TTC17: variants seen among roughly 807,000 people sequenced by gnomAD.
TTC17 encodes tetratricopeptide repeat protein 17.
In TTC17, 58 loss-of-function variants were observed where a neutral mutation model predicts 143.8. The ratio of observed to expected loss-of-function variants is 0.40; its 90% confidence interval spans 0.33 to 0.50. The LOEUF is 0.50. Ranked by LOEUF, TTC17 falls within the 20% of genes least tolerant of loss-of-function variation. The pLI, the probability that TTC17 is intolerant of heterozygous loss-of-function variation, is 0.49. For synonymous variants in TTC17, 501 were observed against 497.8 expected (o/e 1.01, Z -0.09); for missense variants, 1,273 against 1,392.5 (o/e 0.91, Z 1.37).
chr11:43,394,120 T>G (rs184134667), intron 5 of TTC17, among the ~76,000 whole-genome samples: 1 of 152,188 alleles, frequency 6.6e-6, no homozygotes, highest in Admixed American at 6.5e-5. Context: ...CTTGAACATA[T>G]GAACTTTGAG....
intron 20 of TTC17, 101 bp downstream of exon 20, chr11:43,450,342 A>T (rs1947633666): frequency 6.6e-6 from 9 of 1,355,388 alleles, no homozygotes; most frequent in Non-Finnish European, 8.7e-6. Flanking sequence ...TTAAAAAAAA[A>T]TAGGGGCTTT....
In TTC17 at chr11:43,414,628, T is replaced by C. The variant is rs769432852; in HGVS notation, c.2103T>C (p.Ala701=). ...TFLSLGNAYL[A]LKNISGALEA... ...TGAGCCTGGGAAATGCTTACCTTGC[T>C]CTGAAGAATATCAGTGGGGCACTTG... Residue 701 remains alanine, a synonymous_variant, in exon 16 of 24, where the codon GCT becomes GCC. Coordinates refer to ENST00000039989, the MANE Select transcript of TTC17 (RefSeq NM_018259.6). 6.2e-7 allele frequency: 1 copy of C among 1,613,314 alleles called. No individual in the cohort carries two copies. The highest frequency in any genetic ancestry group is 8.5e-7 in the Non-Finnish European group (1 of 1,179,606).
At chr11:43,486,958 A>C (rs1948392340) in intron 21 of TTC17, among the ~76,000 whole-genome samples, 1 of 152,104 alleles carries the variant, frequency 6.6e-6, no homozygotes, top group Admixed American at 6.5e-5. Flanking sequence ...CTGAGACAGG[A>C]GGATCACTTG....
rs201254262 is a variant in TTC17, at chr11:43,391,596, A to ATTT, written c.531+31_531+33dup. The ATTT allele has an allele frequency of 6.4e-6, 8 of 1,241,670 alleles. No individual in the cohort carries two copies. Among genetic ancestry groups the ATTT allele is most frequent in the East Asian group, 2.7e-5 (1 of 37,700 alleles). 76.9% of individuals were successfully genotyped at this position (1,241,670 alleles called of 1,614,324 possible). A position where few individuals can be genotyped will look rare whatever the true frequency, so the allele number is the denominator to read the frequency against. The stretch of plus-strand genomic sequence containing the variant: ...TTGAGAGTAAGTAGAGAACTTTAGG[A>ATTT]TTTTTTTTTTTTTGCGTTGCGTTCT... On this transcript the variant is annotated intron_variant, in intron 4 of 23. Coordinates refer to ENST00000039989, the MANE Select transcript of TTC17 (RefSeq NM_018259.6).
chr11:43,377,691 T>C (rs1213406197), intron 1 of TTC17, among the ~76,000 whole-genome samples: 2 of 152,198 alleles, frequency 1.3e-5, no homozygotes, highest in African/African-American at 2.4e-5. Context: ...TTCAAGGAAA[T>C]GATAAGTACT....
At chr11:43,422,613 A>G (rs1247493145) in intron 16 of TTC17, among the ~76,000 whole-genome samples, 1 of 152,208 alleles carries the variant, frequency 6.6e-6, no homozygotes, top group Non-Finnish European at 1.5e-5. Context: ...GAAGTATTTT[A>G]TCCCACAAGC....
intron 21 of TTC17, among the ~76,000 whole-genome samples, chr11:43,483,908 G>T (rs191066593): frequency 6.6e-6 from 1 of 152,306 alleles, no homozygotes; most frequent in Non-Finnish European, 1.5e-5. Flanking sequence ...TTGGGAGGCC[G>T]AAGTGGGCAG....
intron 21 of TTC17, among the ~76,000 whole-genome samples, chr11:43,454,049 A>G (rs947846742): frequency 6.6e-6 from 1 of 152,132 alleles, no homozygotes; most frequent in Admixed American, 6.6e-5. Context: ...AAGTTGAAAA[A>G]TCCTAAGTTG....
intron 16 of TTC17, among the ~76,000 whole-genome samples, chr11:43,430,993 C>T (rs189185241): frequency 6.6e-6 from 1 of 152,186 alleles, no homozygotes; most frequent in African/African-American, 2.4e-5. Flanking sequence ...TCTCATTGTT[C>T]AGCTCCCACT....
chr11:43,451,270 G>T lies in TTC17; in HGVS notation c.3030+5G>T. 6.2e-7 allele frequency: 1 copy of T among 1,612,672 alleles called. No homozygotes were observed. Among genetic ancestry groups the T allele is most frequent in the Non-Finnish European group, 8.5e-7 (1 of 1,178,792 alleles). ...ATTGCCAAAGTTTTGGAAAAGGTAA[G>T]TCACCCCACAGAAAAGCTGGAAACA... On this transcript the variant is annotated splice_donor_5th_base_variant and intron_variant, in intron 21 of 23. Coordinates refer to ENST00000039989, the MANE Select transcript of TTC17 (RefSeq NM_018259.6).
intron 1 of TTC17, among the ~76,000 whole-genome samples, chr11:43,369,674 T>C (rs1346038066): frequency 6.6e-6 from 1 of 151,786 alleles, no homozygotes; most frequent in African/African-American, 2.4e-5. Flanking sequence ...TGGAGTACAG[T>C]GGTGCAATCT....
chr11:43,414,178 T>C (rs1011701559), intron 15 of TTC17, among the ~76,000 whole-genome samples: 5 of 152,094 alleles, frequency 3.3e-5, no homozygotes, highest in Non-Finnish European at 5.9e-5. Context: ...AGGACACATA[T>C]TACATGTACT....
intron 11 of TTC17, 91 bp downstream of exon 11, chr11:43,404,235 C>T: frequency 7.9e-7 from 1 of 1,266,174 alleles, no homozygotes; most frequent in Non-Finnish European, 1.1e-6. Flanking sequence ...AATATGGCCT[C>T]TATGACTGTT....
intron 15 of TTC17, among the ~76,000 whole-genome samples, chr11:43,409,032 C>T (rs562229197): frequency 5.3e-5 from 8 of 152,258 alleles, no homozygotes; most frequent in Admixed American, 3.3e-4. Flanking sequence ...CATGCACCAC[C>T]ACACCCGGCC....
intron 2 of TTC17, among the ~76,000 whole-genome samples, chr11:43,388,880 G>T (rs1857270652): frequency 6.6e-6 from 1 of 151,838 alleles, no homozygotes; most frequent in Admixed American, 6.6e-5. Context: ...GGGGGCTGAG[G>T]CAGGAGGATC....
intron 16 of TTC17, among the ~76,000 whole-genome samples, chr11:43,435,814 T>C (rs1044473881): frequency 6.6e-6 from 1 of 152,232 alleles, no homozygotes; most frequent in East Asian, 1.9e-4. Flanking sequence ...CTGTCATTTC[T>C]CACAAATAGA....
intron 2 of TTC17, among the ~76,000 whole-genome samples, chr11:43,381,825 C>G (rs755041654): frequency 1.3e-5 from 2 of 152,140 alleles, no homozygotes; most frequent in African/African-American, 2.4e-5. Context: ...AGAAATACTT[C>G]AGGGTTTCTG....
chr11:43,429,782 C>T, intron 16 of TTC17, among the ~76,000 whole-genome samples: 1 of 152,104 alleles, frequency 6.6e-6, no homozygotes, highest in Non-Finnish European at 1.5e-5. Flanking sequence ...TCACTCATAT[C>T]TGTTAAAAGG....
Position 43,396,723 on chromosome 11 carries a change from G to T in TTC17, c.678G>T (p.Trp226Cys). 3 of 1,584,888 alleles carry T rather than the reference G, an allele frequency of 1.9e-6. No individual in the cohort carries two copies. The highest frequency in any genetic ancestry group is 2.6e-6 in the Non-Finnish European group (3 of 1,159,892). The part of the protein sequence containing the change: ...HEGLQKNTSS[W>C]VLYNMASFYW... ...TTAATCTCTAGAACACTTCCTCGTG[G>T]GTACTGTATAACATGGCTTCATTTT... Residue 226 changes from tryptophan to cysteine, a missense_variant, in exon 6 of 24, where the codon TGG (tryptophan) becomes TGT (cysteine). Physicochemically the swap from Trp to Cys is radical, Grantham distance 215. Coordinates refer to ENST00000039989, the MANE Select transcript of TTC17 (RefSeq NM_018259.6).
Sources: gnomAD v4.1 joint callset for allele counts (sites outside exome capture counted in the v4.1 genomes callset) on GRCh38, gnomAD v4.1.1 for gene constraint, MANE v1.5 for transcripts, NCBI Gene and HGNC (gene_info 2026-07-23, HGNC 2026-07-21) for gene names.